The following CNTN1 variants were observed in gnomAD, a reference collection of about 807,000 sequenced individuals.
CNTN1 encodes the protein contactin 1, also known as contactin-1.
In CNTN1, 38 loss-of-function variants were observed where a neutral mutation model predicts 126.4. That is an observed-to-expected ratio of 0.30 (90% confidence interval 0.23 to 0.39). The LOEUF is 0.39. Among genes scored for constraint, CNTN1 ranks in the 10% least tolerant of loss-of-function variants. The pLI, the probability that CNTN1 is intolerant of heterozygous loss-of-function variation, is 1.00. For synonymous variants in CNTN1, 413 were observed against 422.6 expected, an observed-to-expected ratio of 0.98 and a Z score of 0.28; for missense variants, 1,009 against 1,248.4, an observed-to-expected ratio of 0.81 and a Z score of 2.89.
chr12:40,921,607 T>G (rs1945444959), intron 4 of CNTN1, among the ~76,000 whole-genome samples: 1 of 152,196 alleles, frequency 6.6e-6, no homozygotes, highest in Non-Finnish European at 1.5e-5. Flanking sequence ...TTCACTTTAT[T>G]AAAAGTAATC....
intron 15 of CNTN1, among the ~76,000 whole-genome samples, chr12:40,980,141 G>T (rs1378860903): frequency 1.3e-5 from 2 of 152,112 alleles, no homozygotes; most frequent in Non-Finnish European, 2.9e-5. Context: ...AGAGTTATAA[G>T]AAAGTATGTG....
chr12:40,722,475 C>G (rs1012598936), intron 1 of CNTN1, among the ~76,000 whole-genome samples: 1 of 152,122 alleles, frequency 6.6e-6, no homozygotes, highest in African/African-American at 2.4e-5. Flanking sequence ...GTTGTAAGGT[C>G]TCTATTAGAT....
chr12:40,872,212 TTGTGTGTGTGTGTGTGTG>T (rs61187240), intron 1 of CNTN1, among the ~76,000 whole-genome samples: 6 of 113,600 alleles, frequency 5.3e-5, no homozygotes, highest in Non-Finnish European at 9.3e-5. Flanking sequence ...GTTGCTTTGT[TTGTGTGTGTGTGTGTGTG>T]TGTGTGTGTG....
intron 19 of CNTN1, among the ~76,000 whole-genome samples, chr12:41,017,305 C>T (rs995706478): frequency 2.1e-4 from 32 of 150,260 alleles, no homozygotes; most frequent in African/African-American, 5.6e-4. Flanking sequence ...GGCGTGGTGG[C>T]GCATGCCTGT....
In CNTN1 at chr12:40,920,788, A is replaced by G. The variant is rs548092755; in HGVS notation, c.228-1468A>G. On this transcript the variant is annotated intron_variant, in intron 4 of 23. Transcript: ENST00000551295. ...TGCCCCCATCCCCAAAGAAACAAGCATTACAATAAAAAAGTATTAAAAGGG... is the reference window on the plus strand; with the variant it reads ...TGCCCCCATCCCCAAAGAAACAAGCGTTACAATAAAAAAGTATTAAAAGGG... Among the ~76,000 whole-genome samples the G allele has an allele frequency of 2.7e-3, 410 of 152,330 alleles. 1 individual carries two copies. The highest frequency in any genetic ancestry group is 3.1e-3 in the Non-Finnish European group (210 of 68,036).
intron 1 of CNTN1, among the ~76,000 whole-genome samples, chr12:40,867,265 C>T (rs562620160): frequency 1.3e-5 from 2 of 152,268 alleles, no homozygotes; most frequent in African/African-American, 4.8e-5. Flanking sequence ...CACACCCCAT[C>T]TGCATCCATA....
chr12:40,779,350 C>A (rs1405898315), intron 1 of CNTN1, among the ~76,000 whole-genome samples: 1 of 151,752 alleles, frequency 6.6e-6, no homozygotes, highest in African/African-American at 2.4e-5. Flanking sequence ...AAGAACTTAA[C>A]CTTACTCACC....
intron 1 of CNTN1, among the ~76,000 whole-genome samples, chr12:40,787,262 G>A (rs898457798): frequency 9.9e-5 from 15 of 151,964 alleles, no homozygotes; most frequent in African/African-American, 3.6e-4. Context: ...TCTCCTAAAT[G>A]TTACAGTTGA....
chr12:40,999,980 C>T (rs1401412643), intron 17 of CNTN1, among the ~76,000 whole-genome samples: 3 of 152,068 alleles, frequency 2.0e-5, no homozygotes, highest in African/African-American at 4.8e-5. Context: ...TGCTAGATTA[C>T]AGATGTGAGC....
At chr12:40,780,544 G>T (rs562630769) in intron 1 of CNTN1, among the ~76,000 whole-genome samples, 1 of 151,704 alleles carries the variant, frequency 6.6e-6, no homozygotes, top group East Asian at 1.9e-4. Context: ...TCTTATATTT[G>T]CATGTCTGAT....
At chr12:40,798,997 GTA>G (rs5797686) in intron 1 of CNTN1, among the ~76,000 whole-genome samples, 96,580 of 150,676 alleles carry the variant, frequency 0.64, 31,024 homozygotes, top group Middle Eastern at 0.71. Flanking sequence ...ATGTATATAT[GTA>G]TATACATAAA....
At chr12:40,932,127 C>A (rs1356716248) in intron 7 of CNTN1, among the ~76,000 whole-genome samples, 1 of 151,866 alleles carries the variant, frequency 6.6e-6, no homozygotes, top group Non-Finnish European at 1.5e-5. Context: ...CTTACCAAGT[C>A]CCAATGGTAG....
rs1395999053 is a variant in CNTN1 at position 40,737,045 on chromosome 12, ACCAATTG to A, written c.-77+44455_-77+44461del. ...GTGAAACTGATCCTTGAGAACACAG[ACCAATTG>A]CTAAAGAAAAAAATTCAAAAACTTT... On this transcript the variant is annotated intron_variant, in intron 1 of 23. Transcript: ENST00000551295. Among the ~76,000 whole-genome samples the A allele has an allele frequency of 6.6e-5, 10 of 152,102 alleles. No homozygotes were observed. The East Asian group carries it at 1.9e-3, about 29-fold the overall frequency.
intron 1 of CNTN1, among the ~76,000 whole-genome samples, chr12:40,858,362 C>A (rs1028693807): frequency 6.6e-6 from 1 of 152,082 alleles, no homozygotes. Flanking sequence ...TTATCTGAGA[C>A]CCTAATTAAG....
At chr12:40,726,201 A>G (rs1942347410) in intron 1 of CNTN1, among the ~76,000 whole-genome samples, 1 of 152,192 alleles carries the variant, frequency 6.6e-6, no homozygotes, top group African/African-American at 2.4e-5. Flanking sequence ...AAGTAACACA[A>G]ATATTAAAAT....
intron 15 of CNTN1, chr12:40,972,760 C>T (rs1182802834): frequency 3.1e-5 from 18 of 581,900 alleles, no homozygotes; most frequent in Middle Eastern, 9.0e-4. Flanking sequence ...TGAGAATTTT[C>T]ATGTGTCTGT....
chr12:41,010,606 G>T (rs770701340), intron 17 of CNTN1, among the ~76,000 whole-genome samples: 10 of 152,054 alleles, frequency 6.6e-5, no homozygotes, highest in Non-Finnish European at 1.2e-4. Context: ...TTCTAATATT[G>T]GGAGGTGCCT....
chr12:41,064,173 CAAAA>C (rs35620860), intron 23 of CNTN1, among the ~76,000 whole-genome samples: 13 of 111,760 alleles, frequency 1.2e-4, no homozygotes, highest in African/African-American at 3.3e-4. Flanking sequence ...GACTCCATCT[CAAAA>C]AAAAAAAAAA....
chr12:40,948,802 A>C (rs190781953), intron 14 of CNTN1, among the ~76,000 whole-genome samples: 1 of 152,270 alleles, frequency 6.6e-6, no homozygotes, highest in East Asian at 1.9e-4. Context: ...GCTCACTCAG[A>C]TTGCCCAAAT....
Sources: gnomAD v4.1 joint callset for allele counts (sites outside exome capture counted in the v4.1 genomes callset) on GRCh38, gnomAD v4.1.1 for gene constraint, MANE v1.5 for transcripts, NCBI Gene and HGNC (gene_info 2026-07-23, HGNC 2026-07-21) for gene names.